Variants in OXR1 observed in about 807,000 individuals in gnomAD.
OXR1 encodes oxidation resistance 1.
A neutral mutation model predicts 104.6 loss-of-function variants in OXR1; 41 were observed. The observed-to-expected ratio is 0.39, with a 90% CI of 0.31 to 0.51. The LOEUF (loss-of-function observed/expected upper bound fraction) is 0.51, where lower values mean the gene tolerates loss of function less well. OXR1 is among the 20% of genes least tolerant of loss of function. The pLI is 0.77. For missense variants in OXR1, 955 were observed against 1,031.9 expected, an observed-to-expected ratio of 0.93 and a Z score of 1.02; for synonymous variants, 348 against 348.4, an observed-to-expected ratio of 1.00 and a Z score of 0.01.
At chr8:106,370,264 G>A (rs867839634) in intron 2 of OXR1, among the ~76,000 whole-genome samples, 7 of 152,170 alleles carry the variant, frequency 4.6e-5, no homozygotes, top group South Asian at 4.1e-4. Context: ...CTGAGACTGC[G>A]CTGAAGTTGC....
chr8:106,529,978 G>A (rs1000973756), intron 3 of OXR1, among the ~76,000 whole-genome samples: 1 of 152,140 alleles, frequency 6.6e-6, no homozygotes. Flanking sequence ...TTTCACTGCT[G>A]TTAGCAAACA....
chr8:106,649,926 G>A (rs1367857434), intron 3 of OXR1, among the ~76,000 whole-genome samples: 1 of 152,084 alleles, frequency 6.6e-6, no homozygotes, highest in African/African-American at 2.4e-5. Flanking sequence ...TCGACCTCCT[G>A]ACTTCATGAT....
intron 3 of OXR1, among the ~76,000 whole-genome samples, chr8:106,597,219 G>T (rs1051755443): frequency 2.6e-5 from 4 of 152,024 alleles, no homozygotes; most frequent in African/African-American, 7.3e-5. Flanking sequence ...GTGAGCCTTT[G>T]GGGGGGTGAT....
intron 3 of OXR1, among the ~76,000 whole-genome samples, chr8:106,563,177 A>T (rs1032230532): frequency 2.0e-5 from 3 of 152,172 alleles, no homozygotes; most frequent in Non-Finnish European, 4.4e-5. Context: ...ACAGACTGGC[A>T]AATTGGATAG....
intron 3 of OXR1, among the ~76,000 whole-genome samples, chr8:106,521,266 T>A (rs1813235038): frequency 1.3e-5 from 2 of 152,186 alleles, no homozygotes; most frequent in African/African-American, 4.8e-5. Flanking sequence ...CATTTATTGA[T>A]AATTTCATAT....
intron 2 of OXR1, among the ~76,000 whole-genome samples, chr8:106,516,909 G>A (rs1430105453): frequency 6.6e-6 from 1 of 151,906 alleles, no homozygotes; most frequent in East Asian, 1.9e-4. Flanking sequence ...ATTTATGCAT[G>A]CATTGAAAAA....
intron 2 of OXR1, among the ~76,000 whole-genome samples, chr8:106,501,580 A>T (rs539833160): frequency 6.6e-6 from 1 of 152,134 alleles, no homozygotes; most frequent in African/African-American, 2.4e-5. Flanking sequence ...TATCCAAAAG[A>T]GGAAAAGTGG....
intron 11 of OXR1, among the ~76,000 whole-genome samples, chr8:106,737,022 TCTC>T (rs1475161774): frequency 6.6e-6 from 1 of 152,148 alleles, no homozygotes; most frequent in Non-Finnish European, 1.5e-5. Flanking sequence ...CTTGCTCTTC[TCTC>T]CTCTGTTGTT....
intron 2 of OXR1, among the ~76,000 whole-genome samples, chr8:106,475,556 T>C (rs1295697139): frequency 6.6e-6 from 1 of 151,914 alleles, no homozygotes; most frequent in South Asian, 2.1e-4. Flanking sequence ...CTGTCTGATG[T>C]TTTTTACTTT....
intron 2 of OXR1, among the ~76,000 whole-genome samples, chr8:106,460,538 T>C (rs1239125676): frequency 6.6e-6 from 1 of 152,178 alleles, no homozygotes; most frequent in East Asian, 1.9e-4. Context: ...GCTCTAATGG[T>C]GGCTAGGGGC....
chr8:106,497,346 GTAGT>G (rs1480837928), intron 2 of OXR1, among the ~76,000 whole-genome samples: 2 of 152,148 alleles, frequency 1.3e-5, no homozygotes, highest in East Asian at 1.9e-4. Flanking sequence ...TGAGTCGTTG[GTAGT>G]TAGTCACTTT....
chr8:106,348,084 A>C (rs961818712), intron 1 of OXR1, among the ~76,000 whole-genome samples: 1 of 152,208 alleles, frequency 6.6e-6, no homozygotes, highest in Non-Finnish European at 1.5e-5. Flanking sequence ...AAGGGAAAGG[A>C]CATTCCTTGA....
chr8:106,546,159 G>C (rs1815341067), intron 3 of OXR1, among the ~76,000 whole-genome samples: 2 of 152,088 alleles, frequency 1.3e-5, no homozygotes, highest in Admixed American at 1.3e-4. Context: ...TTTTCACCAG[G>C]CTACAGGACA....
intron 2 of OXR1, among the ~76,000 whole-genome samples, chr8:106,480,879 C>T (rs547144903): frequency 5.5e-4 from 83 of 151,954 alleles, no homozygotes; most frequent in African/African-American, 1.9e-3. Context: ...TCATATGAAT[C>T]CAAGGAAGAG....
At chr8:106,488,173 GTGA>G (rs1414885018) in intron 2 of OXR1, among the ~76,000 whole-genome samples, 1 of 143,180 alleles carries the variant, frequency 7.0e-6, no homozygotes, top group Admixed American at 7.1e-5. Context: ...CTGATGGCCA[GTGA>G]TGATGAGCAT....
At chr8:106,672,496 GAA>G (rs1446942589) in intron 3 of OXR1, among the ~76,000 whole-genome samples, 5 of 103,996 alleles carry the variant, frequency 4.8e-5, no homozygotes, top group Admixed American at 3.4e-4. Context: ...AAGAAAGAAA[GAA>G]AGAGAGAGAA....
intron 3 of OXR1, among the ~76,000 whole-genome samples, chr8:106,662,839 GGATGAT>G (rs5893799): frequency 2.3e-4 from 35 of 149,116 alleles, no homozygotes; most frequent in African/African-American, 3.7e-4. Context: ...TCAGTAAATG[GGATGAT>G]GATGATGATG....
At chr8:106,293,892 T>C (rs1005087200) in intron 1 of OXR1, among the ~76,000 whole-genome samples, 2 of 151,522 alleles carry the variant, frequency 1.3e-5, no homozygotes, top group Non-Finnish European at 2.9e-5. Context: ...GGATAAAGCT[T>C]CCAACAAATG....
At chr8:106,371,004 TCAG>T (rs1225163872) in intron 2 of OXR1, among the ~76,000 whole-genome samples, 1 of 152,046 alleles carries the variant, frequency 6.6e-6, no homozygotes, top group African/African-American at 2.4e-5. Context: ...CTGGTAGAAT[TCAG>T]CTGTGAATTC....
Sources: gnomAD v4.1 joint callset for allele counts (sites outside exome capture counted in the v4.1 genomes callset) on GRCh38, gnomAD v4.1.1 for gene constraint, MANE v1.5 for transcripts, NCBI Gene and HGNC (gene_info 2026-07-23, HGNC 2026-07-21) for gene names.